Variants in ANGPT1 observed in about 807,000 individuals in gnomAD.
ANGPT1 encodes the protein angiopoietin 1.
ANGPT1 carries 17 observed loss-of-function variants against 62.2 expected under a neutral mutation model. The ratio of observed to expected loss-of-function variants is 0.27; its 90% confidence interval spans 0.19 to 0.41. ANGPT1 has a LOEUF of 0.41. Among genes scored for constraint, ANGPT1 ranks in the 10% least tolerant of loss-of-function variants. The probability of loss-of-function intolerance (pLI) is 1.00; values close to 1 mark genes in which losing one functional copy is unlikely to be tolerated. For synonymous variants in ANGPT1, 199 were observed against 198.9 expected (o/e 1.00, Z 0.00); for missense variants, 478 against 594.9 (o/e 0.80, Z 2.04).
chr8:107,423,708 A>G (rs141467571), intron 1 of ANGPT1, among the ~76,000 whole-genome samples: 2 of 152,240 alleles, frequency 1.3e-5, no homozygotes, highest in African/African-American at 4.8e-5. Context: ...GTACTCGAAA[A>G]GGGTGTGAGT....
At chr8:107,384,295 A>G (rs1296927371) in intron 1 of ANGPT1, among the ~76,000 whole-genome samples, 2 of 152,126 alleles carry the variant, frequency 1.3e-5, no homozygotes, top group Non-Finnish European at 2.9e-5. Flanking sequence ...TACAGGATTA[A>G]GAACCTCTAA....
chr8:107,324,070 T>C (rs1287727921), intron 3 of ANGPT1, among the ~76,000 whole-genome samples: 1 of 151,664 alleles, frequency 6.6e-6, no homozygotes, highest in Non-Finnish European at 1.5e-5. Context: ...TGAGCCACTG[T>C]GCCCGGCCAG....
chr8:107,277,529 C>T (rs139207023), intron 7 of ANGPT1, among the ~76,000 whole-genome samples: 2 of 152,168 alleles, frequency 1.3e-5, no homozygotes, highest in African/African-American at 4.8e-5. Context: ...CAAAATAGAT[C>T]AGCTTTACGT....
chr8:107,406,386 A>C (rs1215469055), intron 1 of ANGPT1, among the ~76,000 whole-genome samples: 1 of 152,048 alleles, frequency 6.6e-6, no homozygotes, highest in Non-Finnish European at 1.5e-5. Context: ...GACAATAGGC[A>C]TTAAAAATAA....
intron 7 of ANGPT1, among the ~76,000 whole-genome samples, chr8:107,271,424 T>C (rs1454408936): frequency 6.6e-6 from 1 of 152,066 alleles, no homozygotes; most frequent in Admixed American, 6.6e-5. Context: ...TCAATAGGCA[T>C]GAATTACGGG....
intron 7 of ANGPT1, among the ~76,000 whole-genome samples, chr8:107,269,992 TA>T (rs1410314336): frequency 6.6e-6 from 1 of 152,090 alleles, no homozygotes. Context: ...TCAGTAATTA[TA>T]AAGACTAAAT....
intron 4 of ANGPT1, among the ~76,000 whole-genome samples, chr8:107,306,839 G>A (rs554212686): frequency 9.9e-4 from 150 of 151,934 alleles, no homozygotes; most frequent in Non-Finnish European, 1.2e-3. Context: ...GAGGCCAGGA[G>A]TTCAAGACCA....
chr8:107,426,898 G>A (rs909882513), intron 1 of ANGPT1, among the ~76,000 whole-genome samples: 1 of 152,168 alleles, frequency 6.6e-6, no homozygotes, highest in Non-Finnish European at 1.5e-5. Flanking sequence ...GTTCACCAGT[G>A]TGGTGCTGGA....
chr8:107,265,878 G>A (rs1813602273), intron 7 of ANGPT1, among the ~76,000 whole-genome samples: 1 of 150,656 alleles, frequency 6.6e-6, no homozygotes, highest in Admixed American at 6.7e-5. Flanking sequence ...CCTACTGTTT[G>A]TGGTATTTGA....
chr8:107,361,062 G>A (rs1466819133), intron 1 of ANGPT1, among the ~76,000 whole-genome samples: 3 of 152,066 alleles, frequency 2.0e-5, no homozygotes, highest in Non-Finnish European at 4.4e-5. Context: ...CGTGCATATG[G>A]ATTAGTATCA....
At chr8:107,433,554 C>A (rs1165554860) in intron 1 of ANGPT1, among the ~76,000 whole-genome samples, 3 of 152,134 alleles carry the variant, frequency 2.0e-5, no homozygotes, top group African/African-American at 4.8e-5. Context: ...CACTGGGCAG[C>A]ATTTTCCTCA....
At chr8:107,436,706 G>A (rs2130420983) in intron 1 of ANGPT1, among the ~76,000 whole-genome samples, 1 of 152,246 alleles carries the variant, frequency 6.6e-6, no homozygotes, top group South Asian at 2.1e-4. Flanking sequence ...ACCCAACACT[G>A]ACCCGTGAGG....
chr8:107,451,828 G>A (rs1439267650), intron 1 of ANGPT1, among the ~76,000 whole-genome samples: 15 of 151,912 alleles, frequency 9.9e-5, no homozygotes, highest in Non-Finnish European at 4.4e-5. Context: ...AAATGTTTAT[G>A]TTCATTGTGC....
chr8:107,411,426 A>C (rs1817264281), intron 1 of ANGPT1, among the ~76,000 whole-genome samples: 1 of 152,202 alleles, frequency 6.6e-6, no homozygotes, highest in Admixed American at 6.5e-5. Flanking sequence ...TCTCACCTAC[A>C]TCATTCAATG....
intron 2 of ANGPT1, among the ~76,000 whole-genome samples, chr8:107,341,521 T>C (rs1459383127): frequency 6.7e-6 from 1 of 150,162 alleles, no homozygotes; most frequent in Admixed American, 6.7e-5. Flanking sequence ...GGAATTATTG[T>C]TCATCTTAGT....
rs114962765 is a variant in ANGPT1 at position 107,329,663 on chromosome 8, G to A, written c.575+6487C>T. Among the ~76,000 whole-genome samples the A allele has an allele frequency of 6.4e-3, 941 of 147,970 alleles. 15 individuals are homozygous for A. Among genetic ancestry groups the A allele is most frequent in the African/African-American group, 0.022 (888 of 40,916 alleles). ...ATTTTTATTAGTTGTGTGTGTGTGT[G>A]AGTCTTTGTGTGTGTGTGAGTCTCT... On this transcript the variant is annotated intron_variant, in intron 3 of 8. Transcript: ENST00000517746.
intron 1 of ANGPT1, among the ~76,000 whole-genome samples, chr8:107,391,261 G>A (rs1048693630): frequency 2.6e-5 from 4 of 152,164 alleles, no homozygotes; most frequent in Non-Finnish European, 5.9e-5. Flanking sequence ...CTCCGAAAAT[G>A]TGACAGTCAT....
chr8:107,484,140 T>A (rs984828368), intron 1 of ANGPT1, among the ~76,000 whole-genome samples: 1 of 152,162 alleles, frequency 6.6e-6, no homozygotes, highest in African/African-American at 2.4e-5. Context: ...TCAGAATTTG[T>A]TGTAATTTGT....
chr8:107,459,425 G>A (rs910151280), intron 1 of ANGPT1, among the ~76,000 whole-genome samples: 2 of 151,956 alleles, frequency 1.3e-5, no homozygotes, highest in Admixed American at 6.6e-5. Context: ...GGAGGCGGAG[G>A]TTGCAGTGAG....
Sources: gnomAD v4.1 joint callset for allele counts (sites outside exome capture counted in the v4.1 genomes callset) on GRCh38, gnomAD v4.1.1 for gene constraint, MANE v1.5 for transcripts, NCBI Gene and HGNC (gene_info 2026-07-23, HGNC 2026-07-21) for gene names.